Variants in ENAH observed in about 807,000 individuals in gnomAD.
ENAH encodes protein enabled homolog.
ENAH carries 23 observed loss-of-function variants against 78.7 expected under a neutral mutation model. The ratio of observed to expected loss-of-function variants is 0.29; its 90% CI spans 0.21 to 0.41. ENAH has a LOEUF of 0.41. Ranked by LOEUF, ENAH falls within the 10% of genes least tolerant of loss-of-function variation. The probability of loss-of-function intolerance (pLI) is 1.00; values close to 1 mark genes in which losing one functional copy is unlikely to be tolerated. For synonymous variants in ENAH, 226 were observed against 241.0 expected, an observed-to-expected ratio of 0.94 and a Z score of 0.58; for missense variants, 544 against 691.0, an observed-to-expected ratio of 0.79 and a Z score of 2.39.
chr1:225,608,220 G>GAAAAAAAAAAAAAAAAAAAACAA (rs60998592), intron 1 of ENAH, among the ~76,000 whole-genome samples: 2 of 91,288 alleles, frequency 2.2e-5, no homozygotes, highest in Non-Finnish European at 4.3e-5. Flanking sequence ...ATAAAAAACA[G>GAAAAAAAAAAAAAAAAAAAACAA]AAAAAAAAAA....
chr1:225,566,012 T>C (rs758843384), intron 2 of ENAH, among the ~76,000 whole-genome samples: 3 of 152,148 alleles, frequency 2.0e-5, no homozygotes, highest in Non-Finnish European at 4.4e-5. Flanking sequence ...GCTGTGAAAG[T>C]TCATCTCCAC....
intron 1 of ENAH, among the ~76,000 whole-genome samples, chr1:225,597,512 C>T (rs2096907467): frequency 6.6e-6 from 1 of 151,926 alleles, no homozygotes; most frequent in Non-Finnish European, 1.5e-5. Context: ...TAAAAATTAG[C>T]TGGGCATGGT....
chr1:225,590,006 G>A (rs959233393), intron 1 of ENAH, among the ~76,000 whole-genome samples: 2 of 150,360 alleles, frequency 1.3e-5, no homozygotes, highest in African/African-American at 4.9e-5. Context: ...TAAATCAAAT[G>A]GGTTGAGAAA....
intron 2 of ENAH, among the ~76,000 whole-genome samples, chr1:225,565,334 C>A (rs2096729135): frequency 6.6e-6 from 1 of 152,022 alleles, no homozygotes; most frequent in Non-Finnish European, 1.5e-5. Context: ...ACTCTGGAGG[C>A]TGAGGCAGGA....
At chr1:225,629,269 C>CACTG (rs1334485958) in intron 1 of ENAH, among the ~76,000 whole-genome samples, 1 of 151,012 alleles carries the variant, frequency 6.6e-6, no homozygotes, top group South Asian at 2.1e-4. Flanking sequence ...CAGAGCAAGA[C>CACTG]TCCATCTCGG....
intron 11 of ENAH, among the ~76,000 whole-genome samples, chr1:225,501,835 A>G (rs781361441): frequency 2.6e-4 from 39 of 152,222 alleles, no homozygotes; most frequent in Non-Finnish European, 2.4e-4. Flanking sequence ...ATAATTCTTA[A>G]TAAGTCAATG....
chr1:225,566,031 C>T (rs2096733320), intron 2 of ENAH, among the ~76,000 whole-genome samples: 1 of 152,050 alleles, frequency 6.6e-6, no homozygotes, highest in African/African-American at 2.4e-5. Context: ...ACGCAGGCAC[C>T]ACATTTGTTT....
At chr1:225,500,424 A>C (rs1388887675) in intron 12 of ENAH, among the ~76,000 whole-genome samples, 1 of 152,192 alleles carries the variant, frequency 6.6e-6, no homozygotes, top group Non-Finnish European at 1.5e-5. Flanking sequence ...ACAATTTACT[A>C]TTAAGCATAC....
chr1:225,597,110 A>G (rs933199285), intron 1 of ENAH, among the ~76,000 whole-genome samples: 2 of 152,204 alleles, frequency 1.3e-5, no homozygotes, highest in Non-Finnish European at 2.9e-5. Context: ...TCCTACATGT[A>G]GGACGTATAC....
At chr1:225,619,204 T>C (rs939888346) in intron 1 of ENAH, among the ~76,000 whole-genome samples, 3 of 152,098 alleles carry the variant, frequency 2.0e-5, no homozygotes, top group Non-Finnish European at 4.4e-5. Context: ...TTGTGATAAA[T>C]CCTGTTAAAA....
At chr1:225,506,108 G>A (rs140039910) in intron 11 of ENAH, among the ~76,000 whole-genome samples, 49 of 152,104 alleles carry the variant, frequency 3.2e-4, no homozygotes, top group African/African-American at 1.2e-3. Context: ...GGAGAACCTC[G>A]TCCATGTCCC....
intron 1 of ENAH, among the ~76,000 whole-genome samples, chr1:225,610,523 A>G (rs2096982627): frequency 6.6e-6 from 1 of 152,148 alleles, no homozygotes; most frequent in Admixed American, 6.5e-5. Context: ...TTTCCCAAGT[A>G]TGCTTGCATT....
At chr1:225,529,817 A>G (rs1203133464) in intron 4 of ENAH, among the ~76,000 whole-genome samples, 8 of 152,196 alleles carry the variant, frequency 5.3e-5, no homozygotes, top group South Asian at 2.1e-4. Context: ...AAGCTGATTA[A>G]TAAGTATATA....
At chr1:225,644,283 G>T (rs993741586) in intron 1 of ENAH, among the ~76,000 whole-genome samples, 1 of 152,006 alleles carries the variant, frequency 6.6e-6, no homozygotes, top group South Asian at 2.1e-4. Context: ...CAGACATATG[G>T]ACAACAGTAA....
chr1:225,535,601 C>A, intron 3 of ENAH: 1 of 1,216,624 alleles, frequency 8.2e-7, no homozygotes, highest in South Asian at 1.3e-5. Context: ...CTTCGAAGGA[C>A]AACGGGGCCA....
chr1:225,650,356 G>A (rs190153568), intron 1 of ENAH, among the ~76,000 whole-genome samples: 2 of 152,228 alleles, frequency 1.3e-5, no homozygotes, highest in Admixed American at 6.5e-5. Context: ...CACTTCATAA[G>A]GAACAGAGCA....
rs778302450 is a variant in ENAH, at chr1:225,512,940, C to T, written c.1295G>A (p.Arg432His). 2.2e-5 allele frequency: 35 copies of T among 1,613,920 alleles called. No homozygotes were observed. The South Asian group carries it at 2.9e-4, about 13-fold the overall frequency. The stretch of plus-strand genomic sequence containing the variant: ...CCCTAAAGGAAGGGGTCCATTTCCA[C>T]GGCCTGTATCTGTTTTAGATGAGGC... ...NSASSKTDTG[R>H]GNGPLPLGGS... Residue 432 changes from arginine (R) to histidine (H), a missense_variant, in exon 8 of 14, where the codon CGT (arginine) becomes CAT (histidine). Transcript: ENST00000366843.
chr1:225,566,448 C>A (rs1341428394), intron 2 of ENAH, among the ~76,000 whole-genome samples: 2 of 152,082 alleles, frequency 1.3e-5, no homozygotes, highest in Non-Finnish European at 1.5e-5. Context: ...TAGGAACTTA[C>A]CTTTCTTCAT....
chr1:225,489,597 A>AG lies in ENAH; in HGVS notation c.*8177_*8178insC, dbSNP rs1404515726. The AG allele has an allele frequency of 1.3e-5, 2 of 152,200 alleles. No homozygotes were observed. The highest frequency in any genetic ancestry group is 1.3e-4 in the Admixed American group (2 of 15,290). The allele number at this position is 152,200 out of a possible 1,614,324, so 9.4% of individuals were successfully genotyped here. A position where few individuals can be genotyped will look rare whatever the true frequency, so the allele number is the denominator to read the frequency against. On this transcript the variant is annotated 3_prime_UTR_variant, in exon 14 of 14. Transcript: ENST00000366843. ...AGAATAAACCAAAAAAGATTAAAAAAAAAGAATAAACCAACCAGTAGCTGC... is the reference window on the plus strand; with the variant it reads ...AGAATAAACCAAAAAAGATTAAAAAAGAAAGAATAAACCAACCAGTAGCTGC...
Sources: gnomAD v4.1 joint callset for allele counts (sites outside exome capture counted in the v4.1 genomes callset) on GRCh38, gnomAD v4.1.1 for gene constraint, MANE v1.5 for transcripts, NCBI Gene and HGNC (gene_info 2026-07-23, HGNC 2026-07-21) for gene names.